The following LINGO2 variants were observed in gnomAD, a reference collection of about 807,000 sequenced individuals.
LINGO2 encodes leucine rich repeat and Ig domain containing 2, also known as leucine-rich repeat and immunoglobulin-like domain-containing nogo receptor-interacting protein 2.
In LINGO2, 14 loss-of-function variants were observed where a neutral mutation model predicts 30.6. That is an observed-to-expected ratio of 0.46 (90% CI 0.30 to 0.72). The LOEUF (loss-of-function observed/expected upper bound fraction) is 0.72. LINGO2 is among the 30% of genes least tolerant of loss of function. LINGO2 has a pLI of 0.07. For synonymous variants in LINGO2, 317 were observed against 288.5 expected (o/e 1.10, Z -1.00); for missense variants, 729 against 751.7 (o/e 0.97, Z 0.35).
At chr9:28,455,648 A>G (rs1364913171) in intron 2 of LINGO2, among the ~76,000 whole-genome samples, 1 of 152,128 alleles carries the variant, frequency 6.6e-6, no homozygotes, top group African/African-American at 2.4e-5. Context: ...TGCTCTCGTG[A>G]CAGTCTGGGA....
At chr9:27,992,525 G>A (rs1168751131) in intron 5 of LINGO2, among the ~76,000 whole-genome samples, 1 of 152,056 alleles carries the variant, frequency 6.6e-6, no homozygotes, top group African/African-American at 2.4e-5. Context: ...AAATAGTTAT[G>A]TAATGCAGTA....
the LINGO2 span, among the ~76,000 whole-genome samples, chr9:29,069,638 TTAA>T: frequency 2.0e-5 from 3 of 151,996 alleles, no homozygotes; most frequent in Non-Finnish European, 4.4e-5. Context: ...AGCTCCTTGG[TTAA>T]TAATAATTTA....
At chr9:28,415,658 C>T (rs1046916637) in intron 2 of LINGO2, among the ~76,000 whole-genome samples, 4 of 152,160 alleles carry the variant, frequency 2.6e-5, no homozygotes, top group Non-Finnish European at 5.9e-5. Flanking sequence ...ACACTCACAA[C>T]CTTAGCTAAG....
chr9:27,960,840 CCTGT>C (rs1393185738), intron 5 of LINGO2, among the ~76,000 whole-genome samples: 1 of 151,552 alleles, frequency 6.6e-6, no homozygotes, highest in Non-Finnish European at 1.5e-5. Context: ...ATTTTTTGTT[CCTGT>C]CTTTTTCATT....
intron 1 of LINGO2, among the ~76,000 whole-genome samples, chr9:28,482,781 T>C (rs1432217194): frequency 6.6e-6 from 1 of 152,108 alleles, no homozygotes. Flanking sequence ...CTGGGAAAAC[T>C]GGCTAGCCAT....
At chr9:28,682,795 T>C in the LINGO2 span, among the ~76,000 whole-genome samples, 2 of 152,154 alleles carry the variant, frequency 1.3e-5, no homozygotes, top group Non-Finnish European at 2.9e-5. Flanking sequence ...ATAAAAGGAA[T>C]TTATGCAGAG....
Position 28,338,993 on chromosome 9 carries a change from C to T in LINGO2, c.-246+33843G>A, listed in dbSNP as rs563393640. ...GCCAGATGGGAGTAAACTCATTCTC[C>T]AAGAGAATGATACTCCCAAGTATTG... On this transcript the variant is annotated intron_variant, in intron 3 of 5. Coordinates refer to ENST00000379992, the Ensembl canonical transcript of LINGO2. Among the ~76,000 whole-genome samples the T allele has an allele frequency of 3.3e-5, 5 of 152,120 alleles. No homozygotes were observed. In the South Asian group the frequency reaches 1.0e-3, roughly 32 times the overall value.
the LINGO2 span, among the ~76,000 whole-genome samples, chr9:28,716,642 G>C: frequency 6.6e-6 from 1 of 152,068 alleles, no homozygotes; most frequent in Non-Finnish European, 1.5e-5. Flanking sequence ...TTTGAGGCCA[G>C]AAATTGTGTT....
chr9:28,064,020 A>T (rs1825234679), intron 4 of LINGO2, among the ~76,000 whole-genome samples: 1 of 152,166 alleles, frequency 6.6e-6, no homozygotes. Flanking sequence ...AAAATAAAAA[A>T]TAGCATAAGA....
chr9:28,214,088 T>C (rs2383765), intron 4 of LINGO2, among the ~76,000 whole-genome samples: 5,137 of 151,590 alleles, frequency 0.034, 278 homozygotes, highest in African/African-American at 0.12. Flanking sequence ...AAGTATTAGA[T>C]AGGAGGATAC....
the LINGO2 span, among the ~76,000 whole-genome samples, chr9:28,893,402 G>T: frequency 1.3e-5 from 2 of 151,898 alleles, no homozygotes; most frequent in African/African-American, 2.4e-5. Context: ...ATCACTCTGA[G>T]AAAGTCTATT....
chr9:28,458,860 A>G (rs186627366), intron 2 of LINGO2, among the ~76,000 whole-genome samples: 1 of 152,286 alleles, frequency 6.6e-6, no homozygotes, highest in East Asian at 1.9e-4. Context: ...CATACTCTAA[A>G]AATTGGAGAA....
chr9:28,403,008 A>C (rs1181984628), intron 2 of LINGO2, among the ~76,000 whole-genome samples: 3 of 152,184 alleles, frequency 2.0e-5, no homozygotes, highest in Non-Finnish European at 4.4e-5. Context: ...TAATGCATAA[A>C]ATAATGATAC....
At chr9:28,059,977 A>G (rs1466813811) in intron 4 of LINGO2, among the ~76,000 whole-genome samples, 1 of 152,080 alleles carries the variant, frequency 6.6e-6, no homozygotes, top group African/African-American at 2.4e-5. Flanking sequence ...ATCTGTGACT[A>G]TCAAAGATTC....
chr9:28,731,640 T>G, the LINGO2 span, among the ~76,000 whole-genome samples: 1 of 152,150 alleles, frequency 6.6e-6, no homozygotes, highest in African/African-American at 2.4e-5. Flanking sequence ...TACCTGGGGA[T>G]AGCTGCTGTT....
chr9:29,096,727 C>A, the LINGO2 span, among the ~76,000 whole-genome samples: 2 of 140,418 alleles, frequency 1.4e-5, no homozygotes, highest in Non-Finnish European at 3.1e-5. Context: ...ACAAAATGTT[C>A]TTTAGCATTT....
chr9:28,343,186 G>A (rs928033681), intron 3 of LINGO2, among the ~76,000 whole-genome samples: 6 of 152,242 alleles, frequency 3.9e-5, no homozygotes, highest in African/African-American at 1.4e-4. Context: ...ATCCCTCAGG[G>A]CAATCAGGGT....
the LINGO2 span, among the ~76,000 whole-genome samples, chr9:28,807,617 T>A: frequency 1.3e-5 from 2 of 152,218 alleles, no homozygotes; most frequent in African/African-American, 4.8e-5. Context: ...AAGTTTTAAG[T>A]AATCATTTTT....
At chr9:28,323,412 C>T (rs1825116614) in intron 3 of LINGO2, among the ~76,000 whole-genome samples, 1 of 152,094 alleles carries the variant, frequency 6.6e-6, no homozygotes. Context: ...CCAGCCTGGC[C>T]AACATGGTGA....
Sources: gnomAD v4.1 joint callset for allele counts (sites outside exome capture counted in the v4.1 genomes callset) on GRCh38, gnomAD v4.1.1 for gene constraint, MANE v1.5 for transcripts, NCBI Gene and HGNC (gene_info 2026-07-23, HGNC 2026-07-21) for gene names.